SNAPC4: variants seen among roughly 807,000 people sequenced by gnomAD.
The protein encoded by SNAPC4 is small nuclear RNA activating complex polypeptide 4.
A neutral mutation model predicts 151.3 loss-of-function variants in SNAPC4; 127 were observed. The observed-to-expected ratio is 0.84, with a 90% CI of 0.73 to 0.97. The LOEUF (loss-of-function observed/expected upper bound fraction) is 0.97, where lower values mean the gene tolerates loss of function less well. Among genes scored for constraint, SNAPC4 ranks in the 50% least tolerant of loss-of-function variants. SNAPC4 has a pLI of 0.00. For missense variants in SNAPC4, 2,186 were observed against 1,935.0 expected, an observed-to-expected ratio of 1.13 and a Z score of -2.43; for synonymous variants, 1,002 against 824.4, an observed-to-expected ratio of 1.22 and a Z score of -3.69.
At position 136,395,339 on chromosome 9, in the gene SNAPC4, G is replaced by A; in HGVS notation, c.430C>T (p.His144Tyr). ...TCCTTGAAATACGGCTTCATGAAGT[G>A]CCCCATGTATGTGCTTGGGGGCAGG... ...KSLPPSTYMG[H>Y]FMKPYFKDKV... The change falls in exon 5 of 24, where the codon CAC becomes TAC. Residue 144 changes from histidine (H) to tyrosine (Y), a missense_variant. Physicochemically the swap from His to Tyr is moderately conservative, Grantham distance 83. Transcript: ENST00000684778. 2 of 1,613,640 alleles carry A rather than the reference G, an allele frequency of 1.2e-6. No individual in the cohort carries two copies. Among genetic ancestry groups the A allele is most frequent in the Non-Finnish European group, 1.7e-6 (2 of 1,179,970 alleles).
At chr9:136,387,699 T>C (rs1833936213) in intron 12 of SNAPC4, 43 bp downstream of exon 12, 1 of 1,433,382 alleles carries the variant, frequency 7.0e-7, no homozygotes, top group African/African-American at 1.4e-5. Flanking sequence ...ACAGCCGCGT[T>C]ACCTTCCCAG....
rs369417375 is a variant in SNAPC4 at position 136,382,050 on chromosome 9, G to A, written c.2091C>T (p.Pro697=). 6.3e-7 allele frequency: 1 copy of A among 1,596,584 alleles called. No homozygotes were observed. The highest frequency in any genetic ancestry group is 8.5e-7 in the Non-Finnish European group (1 of 1,172,380). ...CTQKEQLRQP[P]LPTSSPGVSS... is the part of the protein sequence containing the mutation. ...TGACCCCTGGGGATGAGGTGGGCAG[G>A]GGTGGCTGCCTCAGCTGCTCTTTCT... Residue 697 remains proline, a synonymous_variant, in exon 18 of 24, where the codon CCC becomes CCT. Transcript: ENST00000684778.
chr9:136,383,767 G>A lies in SNAPC4; in HGVS notation c.1501-99C>T, dbSNP rs1833794957. ...CCTTTGGGGAGAGGCCCAAGCGGGG[G>A]CGCCTCCGGGGTCAAGAGCAGCCGC... On this transcript the variant is annotated intron_variant, in intron 15 of 23. Coordinates refer to ENST00000684778, the MANE Select transcript of SNAPC4 (RefSeq NM_003086.4). This position sits in a 1 kb window ranked among gnomAD's most constrained non-coding sequence, Gnocchi z 4.2. 4.0e-6 allele frequency: 6 copies of A among 1,484,982 alleles called. No individual in the cohort carries two copies. Among genetic ancestry groups the A allele is most frequent in the Non-Finnish European group, 5.5e-6 (6 of 1,093,506 alleles). 92.0% of individuals were successfully genotyped at this position (1,484,982 alleles called of 1,614,324 possible).
At chr9:136,388,315 G>A in intron 11 of SNAPC4, 129 bp downstream of exon 11, 1 of 869,042 alleles carries the variant, frequency 1.2e-6, no homozygotes, top group Non-Finnish European at 1.7e-6. Flanking sequence ...AGCGAACTGT[G>A]GAACAGCCAG....
chr9:136,382,971 C>T (rs1043531539), intron 16 of SNAPC4, among the ~76,000 whole-genome samples: 2 of 152,186 alleles, frequency 1.3e-5, no homozygotes, highest in Non-Finnish European at 2.9e-5. Flanking sequence ...AGTGCCCATT[C>T]AGCCATACCC....
intron 10 of SNAPC4, among the ~76,000 whole-genome samples, chr9:136,391,305 A>G (rs1294755707): frequency 6.6e-6 from 1 of 152,228 alleles, no homozygotes; most frequent in African/African-American, 2.4e-5. Context: ...TGGAGATTTT[A>G]TACATCTCGC....
chr9:136,391,018 G>C (rs1834055191), intron 10 of SNAPC4, among the ~76,000 whole-genome samples: 1 of 152,062 alleles, frequency 6.6e-6, no homozygotes, highest in African/African-American at 2.4e-5. Flanking sequence ...ATTTTTAGTA[G>C]AGACGGGGTT....
chr9:136,378,611 G>A lies in SNAPC4; in HGVS notation c.3216C>T (p.Val1072=), dbSNP rs778358862. The A allele has an allele frequency of 8.9e-6, 14 of 1,571,668 alleles. No homozygotes were observed. In the East Asian group the frequency reaches 1.4e-4, roughly 16 times the overall value. ...HIGGPHVATS[V]PLPVTWVLTA... ...TGAGCACCCAGGTGACAGGCAGGGG[G>A]ACACTGGTCGCCACATGTGGCCCTC... Residue 1072 remains valine (V), a synonymous_variant, in exon 22 of 24, where the codon GTC becomes GTT. Coordinates refer to ENST00000684778, the MANE Select transcript of SNAPC4 (RefSeq NM_003086.4).
chr9:136,392,074 C>T lies in SNAPC4; in HGVS notation c.843G>A (p.Arg281=), dbSNP rs140506477. 1.2e-5 allele frequency: 20 copies of T among 1,612,638 alleles called. No homozygotes were observed. The Middle Eastern group carries it at 1.2e-3, about 93-fold the overall frequency. Residue 281 remains arginine (R), a synonymous_variant, in exon 10 of 24, where the codon CGG becomes CGA. Coordinates refer to ENST00000684778, the MANE Select transcript of SNAPC4 (RefSeq NM_003086.4). ...FEGSRSAEEI[R]KFWQNSEHPS... Reference sequence around the variant, plus strand: ...GGTGCTCCGAGTTCTGCCAGAACTTCCGGATCTCCTCTGCACTGCGGCTGC... The same window carrying T: ...GGTGCTCCGAGTTCTGCCAGAACTTTCGGATCTCCTCTGCACTGCGGCTGC...
chr9:136,395,462 G>A, intron 4 of SNAPC4, 39 bp from the exon 5 acceptor site: 1 of 1,601,900 alleles, frequency 6.2e-7, no homozygotes, highest in Non-Finnish European at 8.5e-7. Flanking sequence ...CTATGGACCA[G>A]CAGCAATGAC....
At chr9:136,384,512 G>A (rs1336467785) in intron 14 of SNAPC4, among the ~76,000 whole-genome samples, 3 of 152,160 alleles carry the variant, frequency 2.0e-5, no homozygotes, top group Non-Finnish European at 4.4e-5. Context: ...CGTCGGGTGT[G>A]GTGGCACACA....
chr9:136,387,802 T>C lies in SNAPC4; in HGVS notation c.1170A>G (p.Arg390=), dbSNP rs1833940533. The C allele has an allele frequency of 6.2e-7, 1 of 1,612,952 alleles. No homozygotes were observed. The highest frequency in any genetic ancestry group is 1.6e-4 in the Middle Eastern group (1 of 6,062). Residue 390 remains arginine, a synonymous_variant, in exon 12 of 24, where the codon CGA becomes CGG. Coordinates refer to ENST00000684778, the MANE Select transcript of SNAPC4 (RefSeq NM_003086.4). ...EGRDSMQLIY[R]WTKSLDPGLK... The stretch of plus-strand genomic sequence containing the variant: ...GACCAGGATCCAAGCTCTTGGTCCA[T>C]CGGTAGATCAGCTGCATGGAGTCTC...
At chr9:136,393,440 T>TG (rs1834150936) in intron 7 of SNAPC4, among the ~76,000 whole-genome samples, 1 of 152,162 alleles carries the variant, frequency 6.6e-6, no homozygotes, top group South Asian at 2.1e-4. Context: ...GCTGGGTCTC[T>TG]GGGCTCTGGG....
Position 136,378,958 on chromosome 9 carries a change from C to G in SNAPC4, c.2869G>C (p.Ala957Pro), listed in dbSNP as rs575245185. The G allele has an allele frequency of 6.2e-7, 1 of 1,608,736 alleles. No individual in the cohort carries two copies. Among genetic ancestry groups the G allele is most frequent in the Non-Finnish European group, 8.5e-7 (1 of 1,178,592 alleles). ...GTGCCAGGTTTGGCTGCCGCGGGGGCCCCAGGCCCAGAGAGCGGTACATTT... is the reference window on the plus strand; with the variant it reads ...GTGCCAGGTTTGGCTGCCGCGGGGGGCCCAGGCCCAGAGAGCGGTACATTT... ...VLNVPLSGPG[A>P]PAAAKPGTSG... The change falls in exon 22 of 24, where the codon GCC becomes CCC. Residue 957 changes from alanine to proline, a missense_variant. Coordinates refer to ENST00000684778, the MANE Select transcript of SNAPC4 (RefSeq NM_003086.4).
At chr9:136,399,728 G>A (rs1241536538) in intron 1 of SNAPC4, among the ~76,000 whole-genome samples, 1 of 152,182 alleles carries the variant, frequency 6.6e-6, no homozygotes, top group Non-Finnish European at 1.5e-5. Context: ...CCAGGACGAT[G>A]GGCGTTTAGG....
At chr9:136,392,393 G>A (rs1834109248) in intron 9 of SNAPC4, 129 bp downstream of exon 9, 2 of 964,692 alleles carry the variant, frequency 2.1e-6, no homozygotes, top group East Asian at 2.4e-5. Context: ...CTTGACCCGG[G>A]TGGGTGGGGG....
intron 22 of SNAPC4, among the ~76,000 whole-genome samples, chr9:136,376,890 G>A (rs897668148): frequency 3.3e-5 from 5 of 152,168 alleles, no homozygotes; most frequent in African/African-American, 1.2e-4. Context: ...AAGGCCCTCT[G>A]CCACACTCCC....
intron 7 of SNAPC4, among the ~76,000 whole-genome samples, chr9:136,394,023 TCCTCCCACCTCAG>T (rs1834172694): frequency 6.6e-6 from 1 of 152,166 alleles, no homozygotes; most frequent in South Asian, 2.1e-4. Context: ...GATCAATCGA[TCCTCCCACCTCAG>T]CCTCCCGAGT....
At chr9:136,376,529 A>G (rs149706282) in intron 22 of SNAPC4, 48 bp from the exon 23 acceptor site, 1 of 1,605,676 alleles carries the variant, frequency 6.2e-7, no homozygotes, top group East Asian at 2.2e-5. Flanking sequence ...CCCCCGAGCC[A>G]TGATGGACGG....
Sources: gnomAD v4.1 joint callset for allele counts (sites outside exome capture counted in the v4.1 genomes callset) on GRCh38, gnomAD v4.1.1 for gene constraint, Gnocchi (gnomAD v3.1) non-coding constraint, MANE v1.5 for transcripts, NCBI Gene and HGNC (gene_info 2026-07-23, HGNC 2026-07-21) for gene names.